ABCD3: variants seen among roughly 807,000 people sequenced by gnomAD.
The protein encoded by ABCD3 is ATP binding cassette subfamily D member 3.
ABCD3 carries 41 observed loss-of-function variants against 105.5 expected under a neutral mutation model. The observed-to-expected ratio is 0.39, with a 90% CI of 0.30 to 0.50. The LOEUF (loss-of-function observed/expected upper bound fraction) is 0.50. Ranked by LOEUF, ABCD3 falls within the 20% of genes least tolerant of loss-of-function variation. The pLI is 0.84. For missense variants in ABCD3, 622 were observed against 806.3 expected, an observed-to-expected ratio of 0.77 and a Z score of 2.77; for synonymous variants, 258 against 269.0, an observed-to-expected ratio of 0.96 and a Z score of 0.40.
At chr1:94,444,278 G>A (rs543483318) in intron 1 of ABCD3, among the ~76,000 whole-genome samples, 57 of 145,614 alleles carry the variant, frequency 3.9e-4, no homozygotes, top group African/African-American at 1.3e-3. Flanking sequence ...GTTGCATTGA[G>A]CCAGGATTGT....
At chr1:94,505,330 G>T (rs1217827145) in intron 20 of ABCD3, among the ~76,000 whole-genome samples, 1 of 150,854 alleles carries the variant, frequency 6.6e-6, no homozygotes, top group Non-Finnish European at 1.5e-5. Flanking sequence ...TTAGCCTCCT[G>T]AGTAGTTGGA....
chr1:94,505,012 T>C (rs917185795), intron 20 of ABCD3, among the ~76,000 whole-genome samples: 1 of 152,128 alleles, frequency 6.6e-6, no homozygotes, highest in Admixed American at 6.6e-5. Context: ...CCTGGCTTTC[T>C]AGCTGGAGCA....
intron 16 of ABCD3, among the ~76,000 whole-genome samples, chr1:94,496,694 GTTTTTTTTTTTTTTTTT>G (rs71094302): frequency 2.5e-5 from 1 of 39,368 alleles, no homozygotes; most frequent in Non-Finnish European, 4.1e-5. Flanking sequence ...CCTTGTTTCT[GTTTTTTTTTTTTTTTTT>G]TTTTTTTTTT....
At chr1:94,501,324 G>A (rs1650091179) in intron 20 of ABCD3, among the ~76,000 whole-genome samples, 2 of 150,638 alleles carry the variant, frequency 1.3e-5, no homozygotes, top group South Asian at 4.2e-4. Flanking sequence ...AATGGGGAAA[G>A]CTCACCTGTG....
At chr1:94,411,687 T>G in the ABCD3 span, among the ~76,000 whole-genome samples, 2 of 152,174 alleles carry the variant, frequency 1.3e-5, no homozygotes, top group Non-Finnish European at 2.9e-5. Flanking sequence ...TCCCAATACA[T>G]GTACATTCAC....
the ABCD3 span, among the ~76,000 whole-genome samples, chr1:94,396,786 A>G: frequency 6.6e-6 from 1 of 152,104 alleles, no homozygotes; most frequent in Non-Finnish European, 1.5e-5. Flanking sequence ...CCTGGATGGG[A>G]ATGAAATGGT....
At chr1:94,479,563 A>G (rs1000022816) in intron 8 of ABCD3, among the ~76,000 whole-genome samples, 1 of 152,138 alleles carries the variant, frequency 6.6e-6, no homozygotes, top group East Asian at 1.9e-4. Context: ...ATAGTCAAAC[A>G]ATTATGATGC....
chr1:94,464,025 T>A (rs937685213), intron 2 of ABCD3, among the ~76,000 whole-genome samples: 27 of 152,346 alleles, frequency 1.8e-4, no homozygotes, highest in Admixed American at 6.5e-4. Flanking sequence ...TGGCTTTTTT[T>A]TATTTATGTC....
chr1:94,458,553 T>A, intron 1 of ABCD3, 54 bp from the exon 2 acceptor site: 1 of 1,497,976 alleles, frequency 6.7e-7, no homozygotes, highest in Non-Finnish European at 9.3e-7. Context: ...ATCATCTTAA[T>A]GATAACACTT....
In ABCD3 at chr1:94,502,882, G is replaced by C. The variant is rs547003774; in HGVS notation, c.1740+3268G>C. ...GTAAATGTTAAAGCTGGTGGTGGGGGCTTTGTCAGGCTTAGGCAAGCAGTA... is the reference window on the plus strand; with the variant it reads ...GTAAATGTTAAAGCTGGTGGTGGGGCCTTTGTCAGGCTTAGGCAAGCAGTA... On this transcript the variant is annotated intron_variant, in intron 20 of 22. Coordinates refer to ENST00000370214, the MANE Select transcript of ABCD3 (RefSeq NM_002858.4). 7.9e-5 allele frequency among the ~76,000 whole-genome samples: 12 copies of C among 152,250 alleles called. 1 individual carries two copies. In the East Asian group the frequency reaches 2.1e-3, roughly 27 times the overall value.
chr1:94,463,142 G>A (rs994909178), intron 2 of ABCD3, among the ~76,000 whole-genome samples: 2 of 152,202 alleles, frequency 1.3e-5, no homozygotes, highest in African/African-American at 4.8e-5. Flanking sequence ...TAAGTAGACT[G>A]AGCCTGTAAC....
chr1:94,507,203 A>G (rs962540055), intron 21 of ABCD3, among the ~76,000 whole-genome samples: 4 of 147,602 alleles, frequency 2.7e-5, no homozygotes, highest in Admixed American at 6.9e-5. Context: ...ATGTGTTCTC[A>G]TTGTTCAATT....
intron 20 of ABCD3, among the ~76,000 whole-genome samples, chr1:94,502,152 A>T (rs1045254036): frequency 1.1e-4 from 17 of 152,266 alleles, no homozygotes; most frequent in Admixed American, 3.3e-4. Context: ...TTGCCTTGGC[A>T]CTTCTCTAAC....
chr1:94,511,176 G>T (rs936000121), intron 21 of ABCD3, among the ~76,000 whole-genome samples: 1 of 151,832 alleles, frequency 6.6e-6, no homozygotes, highest in Non-Finnish European at 1.5e-5. Flanking sequence ...AGCTCTTTTA[G>T]GGCAGGCCCG....
Position 94,418,453 on chromosome 1 carries a change from G to C in ABCD3, c.-26G>C. ...GCCGCCGCCGCCGCCGCGTCCCCTC[G>C]CCGGCTCGCTGGTACCGGCAGTGCC... On this transcript the variant is annotated 5_prime_UTR_variant, in exon 1 of 23. Coordinates refer to ENST00000370214, the MANE Select transcript of ABCD3 (RefSeq NM_002858.4). 1.3e-6 allele frequency: 2 copies of C among 1,565,162 alleles called. No homozygotes were observed. The highest frequency in any genetic ancestry group is 1.7e-6 in the Non-Finnish European group (2 of 1,156,422).
chr1:94,487,365 T>C (rs1649324043), intron 10 of ABCD3, among the ~76,000 whole-genome samples, 177 bp from the exon 11 acceptor site: 1 of 152,208 alleles, frequency 6.6e-6, no homozygotes, highest in African/African-American at 2.4e-5. Context: ...ACCCGCTCTG[T>C]GAAGAGCATT....
chr1:94,432,983 T>A (rs1248355144), intron 1 of ABCD3, among the ~76,000 whole-genome samples: 1 of 151,194 alleles, frequency 6.6e-6, no homozygotes, highest in Non-Finnish European at 1.5e-5. Context: ...GCCTCCTGAG[T>A]AACTGGTATT....
At chr1:94,411,597 A>G in the ABCD3 span, among the ~76,000 whole-genome samples, 2 of 152,192 alleles carry the variant, frequency 1.3e-5, no homozygotes, top group African/African-American at 4.8e-5. Context: ...TTAAACATAA[A>G]ATTTTTAAAA....
intron 21 of ABCD3, among the ~76,000 whole-genome samples, chr1:94,511,360 C>T (rs986002668): frequency 1.1e-4 from 17 of 152,216 alleles, no homozygotes; most frequent in South Asian, 1.0e-3. Context: ...CCGAGAGATC[C>T]GCTGTTAGTC....
Sources: allele counts gnomAD v4.1 joint callset (sites outside exome capture counted in the v4.1 genomes callset), GRCh38; gene constraint gnomAD v4.1.1; transcripts MANE v1.5; gene names NCBI Gene and HGNC (gene_info 2026-07-23, HGNC 2026-07-21).